DOCK2: variants seen among roughly 807,000 people sequenced by gnomAD.
The protein encoded by DOCK2 is dedicator of cytokinesis protein 2.
Under a neutral mutation model 248.9 loss-of-function variants are expected in DOCK2, and 87 were observed. That is an observed-to-expected ratio of 0.35 (90% CI 0.29 to 0.42). The LOEUF is 0.42. Ranked by LOEUF, DOCK2 falls within the 10% of genes least tolerant of loss-of-function variation. The pLI, the probability that DOCK2 is intolerant of heterozygous loss-of-function variation, is 1.00. For missense variants in DOCK2, 1,747 were observed against 2,300.2 expected (o/e 0.76, Z 4.92); for synonymous variants, 805 against 821.6 (o/e 0.98, Z 0.35).
chr5:169,836,888 G>A (rs1402319222), intron 26 of DOCK2, among the ~76,000 whole-genome samples: 2 of 152,132 alleles, frequency 1.3e-5, no homozygotes, highest in African/African-American at 4.8e-5. Flanking sequence ...GTTATGAAAT[G>A]CTTTGTCTAT....
chr5:169,853,914 C>A (rs1770755005), intron 27 of DOCK2, among the ~76,000 whole-genome samples: 1 of 138,470 alleles, frequency 7.2e-6, no homozygotes, highest in Admixed American at 7.8e-5. Context: ...CGGCTCACTG[C>A]AAGCTCTGCC....
At chr5:169,958,850 C>T (rs1776967141) in intron 27 of DOCK2, among the ~76,000 whole-genome samples, 1 of 151,986 alleles carries the variant, frequency 6.6e-6, no homozygotes, top group South Asian at 2.1e-4. Flanking sequence ...CTCTGTTTTG[C>T]CAAAAATACT....
At chr5:169,798,713 G>A (rs1766800297) in intron 25 of DOCK2, among the ~76,000 whole-genome samples, 1 of 152,090 alleles carries the variant, frequency 6.6e-6, no homozygotes, top group East Asian at 1.9e-4. Flanking sequence ...GTTAACCCTT[G>A]GTCATTCCTT....
intron 22 of DOCK2, among the ~76,000 whole-genome samples, chr5:169,721,101 T>C (rs1762178375): frequency 6.6e-6 from 1 of 152,232 alleles, no homozygotes; most frequent in African/African-American, 2.4e-5. Flanking sequence ...GTGCATTTGT[T>C]TTGCTCTTCT....
intron 22 of DOCK2, among the ~76,000 whole-genome samples, chr5:169,733,301 A>T (rs767059894): frequency 2.6e-5 from 4 of 151,922 alleles, no homozygotes; most frequent in African/African-American, 7.3e-5. Context: ...TACATTTTTA[A>T]CATTTCCCTG....
intron 27 of DOCK2, among the ~76,000 whole-genome samples, chr5:169,941,387 A>G (rs1281023746): frequency 2.0e-5 from 3 of 151,984 alleles, no homozygotes; most frequent in Non-Finnish European, 4.4e-5. Flanking sequence ...TTGTATTTTT[A>G]GTAGAGACTG....
At chr5:169,665,442 TTA>T (rs952154376) in intron 2 of DOCK2, among the ~76,000 whole-genome samples, 1 of 151,278 alleles carries the variant, frequency 6.6e-6, no homozygotes, top group African/African-American at 2.4e-5. Flanking sequence ...ATACACATGT[TTA>T]TATGTATATA....
chr5:169,952,215 C>G (rs1776690729), intron 27 of DOCK2, among the ~76,000 whole-genome samples: 1 of 152,162 alleles, frequency 6.6e-6, no homozygotes, highest in South Asian at 2.1e-4. Flanking sequence ...TCTAACCGAG[C>G]TTTTTTGCAT....
At chr5:169,678,986 A>C (rs1178055358) in intron 6 of DOCK2, among the ~76,000 whole-genome samples, 1 of 152,126 alleles carries the variant, frequency 6.6e-6, no homozygotes, top group Non-Finnish European at 1.5e-5. Context: ...ACGGAGAGGA[A>C]GACATGGGTG....
At chr5:169,669,846 C>T (rs1758944692) in intron 3 of DOCK2, among the ~76,000 whole-genome samples, 1 of 152,136 alleles carries the variant, frequency 6.6e-6, no homozygotes, top group Non-Finnish European at 1.5e-5. Flanking sequence ...CCAGATGTCC[C>T]CAGTATGCAC....
At chr5:170,073,728 T>G (rs1757751788) in intron 46 of DOCK2, among the ~76,000 whole-genome samples, 1 of 152,184 alleles carries the variant, frequency 6.6e-6, no homozygotes, top group Admixed American at 6.5e-5. Context: ...TTTTATTTTC[T>G]GTTTGTTAAC....
chr5:169,886,333 G>A (rs1249591881), intron 27 of DOCK2, among the ~76,000 whole-genome samples: 5 of 152,124 alleles, frequency 3.3e-5, no homozygotes, highest in Non-Finnish European at 7.4e-5. Context: ...GTCCCGAGTT[G>A]CTTTACATAA....
chr5:170,030,504 C>T (rs1467090418), intron 34 of DOCK2, among the ~76,000 whole-genome samples: 1 of 152,090 alleles, frequency 6.6e-6, no homozygotes, highest in East Asian at 1.9e-4. Flanking sequence ...TTGATTAGGC[C>T]TTATCTGAAA....
At chr5:170,025,790 C>CCCTTCCTTCTTT (rs1755885676) in intron 33 of DOCK2, among the ~76,000 whole-genome samples, 1 of 67,544 alleles carries the variant, frequency 1.5e-5, no homozygotes, top group Non-Finnish European at 3.0e-5. Flanking sequence ...CTCCTTCCCT[C>CCCTTCCTTCTTT]CCTTCCTTCC....
chr5:170,079,597 T>G (rs1757955934), intron 49 of DOCK2: 4 of 175,464 alleles, frequency 2.3e-5, no homozygotes, highest in Non-Finnish European at 5.0e-5. Flanking sequence ...AGGGATGAAA[T>G]CTCACTGTCC....
rs570184747 is a variant in DOCK2, at chr5:169,971,246, G to C, written c.2800-11822G>C. ...AATTGCAAACCAATGAATCAATGAA[G>C]TATCATTCCCAGAGCAGGAAGGAAG... On this transcript the variant is annotated intron_variant, in intron 27 of 51. Coordinates refer to ENST00000520908, the MANE Select transcript of DOCK2 (RefSeq NM_004946.3). Among the ~76,000 whole-genome samples the C allele has an allele frequency of 4.2e-4, 64 of 151,778 alleles. No individual in the cohort carries two copies. In the Middle Eastern group the frequency reaches 0.01, roughly 24 times the overall value.
intron 26 of DOCK2, among the ~76,000 whole-genome samples, chr5:169,809,816 G>T (rs555216037): frequency 4.6e-5 from 7 of 152,152 alleles, no homozygotes; most frequent in Non-Finnish European, 2.9e-5. Context: ...GCGGAGTGCC[G>T]TTCACACTGC....
At position 170,081,824 on chromosome 5, in the gene DOCK2, G is replaced by C; in HGVS notation, c.5288-18G>C. ...CCTCTACCCACCCATTCACACCCCA[G>C]CTCTGCTCTCCTTCCAGCCCTGGCG... is the stretch of plus-strand genomic sequence containing the variant. On this transcript the variant is annotated intron_variant, in intron 50 of 51. Transcript: ENST00000520908. 6.8e-7 allele frequency: 1 copy of C among 1,466,046 alleles called. No homozygotes were observed. Among genetic ancestry groups the C allele is most frequent in the East Asian group, 3.0e-5 (1 of 33,494 alleles). 90.8% of individuals were successfully genotyped at this position (1,466,046 alleles called of 1,614,324 possible).
intron 14 of DOCK2, among the ~76,000 whole-genome samples, chr5:169,705,567 G>T (rs73318208): frequency 6.6e-6 from 1 of 152,118 alleles, no homozygotes; most frequent in Admixed American, 6.5e-5. Flanking sequence ...ACCAGCAATG[G>T]CACTTTGCTC....
Sources: allele counts gnomAD v4.1 joint callset (sites outside exome capture counted in the v4.1 genomes callset), GRCh38; gene constraint gnomAD v4.1.1; transcripts MANE v1.5; gene names NCBI Gene and HGNC (gene_info 2026-07-23, HGNC 2026-07-21).